CDKAL1: variants seen among roughly 807,000 people sequenced by gnomAD.
CDKAL1 encodes the protein threonylcarbamoyladenosine tRNA methylthiotransferase.
CDKAL1 carries 32 observed loss-of-function variants against 68.2 expected under a neutral mutation model. That is an observed-to-expected ratio of 0.47 (90% confidence interval 0.35 to 0.63). CDKAL1 has a LOEUF of 0.63. Among genes scored for constraint, CDKAL1 ranks in the 30% least tolerant of loss-of-function variants. CDKAL1 has a pLI of 0.00. For synonymous variants in CDKAL1, 234 were observed against 244.3 expected (o/e 0.96, Z 0.39); for missense variants, 606 against 696.7 (o/e 0.87, Z 1.47).
intron 13 of CDKAL1, among the ~76,000 whole-genome samples, chr6:21,115,649 T>C (rs1189447119): frequency 6.6e-6 from 1 of 152,244 alleles, no homozygotes; most frequent in Non-Finnish European, 1.5e-5. Flanking sequence ...TCAGGAACAA[T>C]TGAATAAATG....
At chr6:20,848,377 T>G (rs1442861485) in intron 9 of CDKAL1, among the ~76,000 whole-genome samples, 1 of 152,016 alleles carries the variant, frequency 6.6e-6, no homozygotes, top group African/African-American at 2.4e-5. Context: ...GAAACATAGT[T>G]TGTATAAAGT....
At chr6:21,181,272 G>A (rs1205239504) in intron 13 of CDKAL1, among the ~76,000 whole-genome samples, 1 of 152,188 alleles carries the variant, frequency 6.6e-6, no homozygotes, top group East Asian at 1.9e-4. Context: ...TTAAATTTCA[G>A]CATGAGTTTT....
intron 12 of CDKAL1, among the ~76,000 whole-genome samples, chr6:21,088,158 A>G (rs1772803784): frequency 6.6e-6 from 1 of 152,186 alleles, no homozygotes; most frequent in African/African-American, 2.4e-5. Flanking sequence ...GGAACAACAT[A>G]GTTGAACATC....
intron 13 of CDKAL1, among the ~76,000 whole-genome samples, chr6:21,173,421 T>C (rs1777468407): frequency 6.6e-6 from 1 of 152,196 alleles, no homozygotes; most frequent in Admixed American, 6.5e-5. Context: ...TCATATGTGC[T>C]ATTTTTATAA....
chr6:20,601,185 C>G (rs1221261864), intron 4 of CDKAL1, among the ~76,000 whole-genome samples: 1 of 152,086 alleles, frequency 6.6e-6, no homozygotes, highest in African/African-American at 2.4e-5. Flanking sequence ...ATAAAAGTCT[C>G]AATACCTCTG....
At chr6:21,080,010 T>TGTGTG (rs1463270762) in intron 12 of CDKAL1, among the ~76,000 whole-genome samples, 1 of 17,804 alleles carries the variant, frequency 5.6e-5, no homozygotes. Context: ...GTGTGTGTGT[T>TGTGTG]TGAACCATGT....
At chr6:21,220,686 C>G (rs1779509976) in intron 15 of CDKAL1, among the ~76,000 whole-genome samples, 1 of 152,138 alleles carries the variant, frequency 6.6e-6, no homozygotes, top group Non-Finnish European at 1.5e-5. Flanking sequence ...GTTACTAAGC[C>G]AAAGATTAAG....
chr6:20,686,982 G>A (rs186196208), intron 5 of CDKAL1, among the ~76,000 whole-genome samples: 3 of 152,282 alleles, frequency 2.0e-5, no homozygotes, highest in Admixed American at 1.3e-4. Context: ...GCCTGTTGAT[G>A]TGATGAATTA....
chr6:20,808,692 G>A (rs1301382512), intron 8 of CDKAL1, among the ~76,000 whole-genome samples: 2 of 152,110 alleles, frequency 1.3e-5, no homozygotes, highest in African/African-American at 4.8e-5. Flanking sequence ...GGTTTCAGGA[G>A]AGAAGATGGG....
chr6:20,999,854 C>G (rs1282814274), intron 10 of CDKAL1, among the ~76,000 whole-genome samples: 1 of 152,064 alleles, frequency 6.6e-6, no homozygotes, highest in African/African-American at 2.4e-5. Flanking sequence ...GCCTTAAATA[C>G]TGATGTTTTT....
chr6:21,150,013 A>G (rs1339476087), intron 13 of CDKAL1, among the ~76,000 whole-genome samples: 2 of 151,814 alleles, frequency 1.3e-5, no homozygotes, highest in Admixed American at 6.6e-5. Context: ...GCCCACCACC[A>G]CACCCGGCTA....
At chr6:21,059,003 C>G (rs1180240720) in intron 11 of CDKAL1, among the ~76,000 whole-genome samples, 1 of 152,230 alleles carries the variant, frequency 6.6e-6, no homozygotes, top group Non-Finnish European at 1.5e-5. Context: ...AAATAGCCAG[C>G]AGGCAGGAAA....
chr6:20,681,690 T>G (rs1383772363), intron 5 of CDKAL1, among the ~76,000 whole-genome samples: 1 of 152,110 alleles, frequency 6.6e-6, no homozygotes, highest in East Asian at 1.9e-4. Context: ...GGAAAGCACT[T>G]GTCTTCTGGG....
chr6:20,620,010 T>C (rs1202927194), intron 4 of CDKAL1, among the ~76,000 whole-genome samples: 1 of 152,232 alleles, frequency 6.6e-6, no homozygotes, highest in Non-Finnish European at 1.5e-5. Flanking sequence ...TTGTCTGTTT[T>C]GTTCAATATA....
chr6:20,709,491 A>G (rs1264704486), intron 5 of CDKAL1, among the ~76,000 whole-genome samples: 1 of 152,082 alleles, frequency 6.6e-6, no homozygotes, highest in Non-Finnish European at 1.5e-5. Context: ...ACTTCCAAGC[A>G]TTTCAGATAA....
intron 13 of CDKAL1, among the ~76,000 whole-genome samples, chr6:21,114,118 G>T (rs1260040323): frequency 1.3e-5 from 2 of 151,580 alleles, no homozygotes; most frequent in East Asian, 4.0e-4. Context: ...CGTGGTGGCC[G>T]GCGCCTGTAG....
chr6:20,599,460 C>T (rs1318502194), intron 4 of CDKAL1: 2 of 405,224 alleles, frequency 4.9e-6, no homozygotes, highest in African/African-American at 4.1e-5. Flanking sequence ...TTGTTTGACC[C>T]ATGCTATGCA....
At chr6:20,762,113 A>G (rs1017961761) in intron 7 of CDKAL1, among the ~76,000 whole-genome samples, 1 of 152,176 alleles carries the variant, frequency 6.6e-6, no homozygotes, top group Non-Finnish European at 1.5e-5. Context: ...ATTAATGGTA[A>G]TTAACAGTGT....
chr6:20,810,392 T>TCACACACACACA (rs59104508), intron 8 of CDKAL1, among the ~76,000 whole-genome samples: 8 of 115,648 alleles, frequency 6.9e-5, no homozygotes, highest in African/African-American at 2.0e-4. Flanking sequence ...TCTCTCTCTG[T>TCACACACACACA]CACACACACA....
Sources: gnomAD v4.1 joint callset for allele counts (sites outside exome capture counted in the v4.1 genomes callset) on GRCh38, gnomAD v4.1.1 for gene constraint, MANE v1.5 for transcripts, NCBI Gene and HGNC (gene_info 2026-07-23, HGNC 2026-07-21) for gene names.